Variants in SLC38A11 observed in about 807,000 individuals in gnomAD.
SLC38A11 encodes the protein putative sodium-coupled neutral amino acid transporter 11.
Under a neutral mutation model 49.4 loss-of-function variants are expected in SLC38A11, and 51 were observed. The ratio of observed to expected loss-of-function variants is 1.03; its 90% CI spans 0.83 to 1.30. The LOEUF (loss-of-function observed/expected upper bound fraction) is 1.30, where lower values mean the gene tolerates loss of function less well. Ranked by LOEUF, SLC38A11 falls within the 50% of genes most tolerant of loss-of-function variation. The pLI, the probability that SLC38A11 is intolerant of heterozygous loss-of-function variation, is 0.00. For missense variants in SLC38A11, 574 were observed against 556.2 expected, an observed-to-expected ratio of 1.03 and a Z score of -0.32; for synonymous variants, 203 against 192.9, an observed-to-expected ratio of 1.05 and a Z score of -0.43.
chr2:164,899,656 C>T (rs542199831), intron 11 of SLC38A11, among the ~76,000 whole-genome samples: 1 of 152,000 alleles, frequency 6.6e-6, no homozygotes, highest in African/African-American at 2.4e-5. Context: ...AACCATAAAA[C>T]ATACGTTTTT....
chr2:164,929,036 C>T (rs10203208), intron 7 of SLC38A11, among the ~76,000 whole-genome samples: 1,750 of 152,214 alleles, frequency 0.011, 30 homozygotes, highest in African/African-American at 0.039. Context: ...AGCTCTTACT[C>T]TCTCAAGCCA....
Position 164,945,626 on chromosome 2 carries a change from G to A in SLC38A11, c.331C>T (p.Leu111Phe). 6.2e-7 allele frequency: 1 copy of A among 1,608,734 alleles called. No individual in the cohort carries two copies. The highest frequency in any genetic ancestry group is 8.5e-7 in the Non-Finnish European group (1 of 1,178,936). Reference sequence around the variant, plus strand: ...GGATACAAAAACTGAAGAACAGAGAGGAGCAGATACCCTGGAAAGCCGAAA... The same window carrying A: ...GGATACAAAAACTGAAGAACAGAGAAGAGCAGATACCCTGGAAAGCCGAAA... ...KTFGFPGYLL[L>F]SVLQFLYPFI... The change falls in exon 4 of 12, where the codon CTC (leucine) becomes TTC (phenylalanine). Residue 111 changes from leucine to phenylalanine, a missense_variant. By Grantham distance (22) the Leu-to-Phe change is conservative. Coordinates refer to ENST00000685975, the MANE Select transcript of SLC38A11 (RefSeq NM_001351537.2).
chr2:164,948,436 C>A (rs1688287858), intron 3 of SLC38A11, among the ~76,000 whole-genome samples: 1 of 152,058 alleles, frequency 6.6e-6, no homozygotes, highest in African/African-American at 2.4e-5. Flanking sequence ...GGTTATCATG[C>A]CCATTTAACA....
intron 7 of SLC38A11, among the ~76,000 whole-genome samples, chr2:164,932,423 G>T (rs993432613): frequency 1.3e-5 from 2 of 151,820 alleles, no homozygotes; most frequent in African/African-American, 4.8e-5. Flanking sequence ...ATATACCAAA[G>T]GAATATAGAT....
At chr2:164,951,557 T>C (rs10168496) in intron 3 of SLC38A11, among the ~76,000 whole-genome samples, 8 of 152,196 alleles carry the variant, frequency 5.3e-5, no homozygotes, top group Non-Finnish European at 1.0e-4. Flanking sequence ...GCTCAATGCC[T>C]CTCTAGCTTT....
At position 164,923,513 on chromosome 2, in the gene SLC38A11, A is replaced by G. The variant is rs200196511; in HGVS notation, c.618-7540T>C. 1.1e-4 allele frequency among the ~76,000 whole-genome samples: 16 copies of G among 152,282 alleles called. No individual in the cohort carries two copies. In the East Asian group the frequency reaches 2.7e-3, roughly 26 times the overall value. On this transcript the variant is annotated intron_variant, in intron 7 of 11. Transcript: ENST00000685975. ...AATTATCAGAGAAATGCAAATCAAA[A>G]CCACAATGAGATACCATCTCACACT...
chr2:164,954,819 G>A (rs935107475), intron 1 of SLC38A11, 74 bp from the exon 2 acceptor site: 8 of 654,806 alleles, frequency 1.2e-5, no homozygotes, highest in African/African-American at 1.8e-5. Context: ...TGTAATGCAG[G>A]ATACTAACAC....
At chr2:164,941,405 G>T (rs13035135) in intron 5 of SLC38A11, among the ~76,000 whole-genome samples, 2 of 152,000 alleles carry the variant, frequency 1.3e-5, no homozygotes, top group Non-Finnish European at 2.9e-5. Flanking sequence ...GCTTTGGTAA[G>T]AATTTTATAG....
chr2:164,902,915 T>C (rs1348797916), intron 11 of SLC38A11, among the ~76,000 whole-genome samples: 1 of 152,168 alleles, frequency 6.6e-6, no homozygotes, highest in Non-Finnish European at 1.5e-5. Flanking sequence ...TTAGAATATA[T>C]GGAAAATATA....
At chr2:164,918,440 T>G (rs1221359687) in intron 7 of SLC38A11, among the ~76,000 whole-genome samples, 1 of 152,148 alleles carries the variant, frequency 6.6e-6, no homozygotes, top group Non-Finnish European at 1.5e-5. Context: ...CAGTATTTAT[T>G]TTGAAAAACA....
chr2:164,908,016 G>A (rs1037930514), intron 11 of SLC38A11: 1 of 152,174 alleles, frequency 6.6e-6, no homozygotes. Context: ...TTGAAACAGA[G>A]CTGGGATTAA....
chr2:164,907,271 T>TC (rs1685077421), intron 11 of SLC38A11, among the ~76,000 whole-genome samples: 1 of 13,608 alleles, frequency 7.3e-5, no homozygotes. Flanking sequence ...TTCTTTTCTC[T>TC]TTTTTTTTTT....
chr2:164,955,243 C>A lies in SLC38A11; in HGVS notation c.5G>T (p.Gly2Val). 2 of 1,550,542 alleles carry A rather than the reference C, an allele frequency of 1.3e-6. No homozygotes were observed. The highest frequency in any genetic ancestry group is 2.4e-5 in the East Asian group (1 of 40,894). M[G>V]YQRQEPVIPP... Reference sequence around the variant, plus strand: ...GATGACAGGCTCCTGCCTCTGGTAGCCCATGGCTGAGCGGTGGTCCTCAGC... The same window carrying A: ...GATGACAGGCTCCTGCCTCTGGTAGACCATGGCTGAGCGGTGGTCCTCAGC... The change falls in exon 1 of 12, where the codon GGC (glycine) becomes GTC (valine). Residue 2 changes from glycine (G) to valine (V), a missense_variant. Coordinates refer to ENST00000685975, the MANE Select transcript of SLC38A11 (RefSeq NM_001351537.2).
In SLC38A11 at chr2:164,940,871, A is replaced by T. The variant is rs1298180908; in HGVS notation, c.431-1315T>A. Among the ~76,000 whole-genome samples, 3 of 152,138 alleles carry T rather than the reference A, an allele frequency of 2.0e-5. No homozygotes were observed. The East Asian group carries it at 5.8e-4, about 29-fold the overall frequency. On this transcript the variant is annotated intron_variant, in intron 5 of 11. Coordinates refer to ENST00000685975, the MANE Select transcript of SLC38A11 (RefSeq NM_001351537.2). ...CTAAATAGTCATTATAAAATTAAGA[A>T]TTAAAATAACAAAACAGGAAAATCA...
At chr2:164,936,935 A>G (rs1365736218) in intron 7 of SLC38A11, among the ~76,000 whole-genome samples, 1 of 152,196 alleles carries the variant, frequency 6.6e-6, no homozygotes, top group Non-Finnish European at 1.5e-5. Context: ...ATAATTAAGG[A>G]AAATAATCAG....
chr2:164,910,527 G>A (rs1685328316), intron 10 of SLC38A11, among the ~76,000 whole-genome samples: 1 of 152,086 alleles, frequency 6.6e-6, no homozygotes, highest in African/African-American at 2.4e-5. Flanking sequence ...AGTTATACAT[G>A]TGTGAGGGAG....
intron 7 of SLC38A11, chr2:164,922,232 T>C (rs1422489569): frequency 6.6e-6 from 1 of 152,186 alleles, no homozygotes; most frequent in African/African-American, 2.4e-5. Context: ...CCAAACTCTT[T>C]CAGCTAAACA....
At chr2:164,908,503 T>G in intron 11 of SLC38A11, 137 bp downstream of exon 11, 1 of 753,516 alleles carries the variant, frequency 1.3e-6, no homozygotes, top group Non-Finnish European at 2.0e-6. Flanking sequence ...ATTGAAAATA[T>G]TTACTATTAC....
intron 3 of SLC38A11, among the ~76,000 whole-genome samples, chr2:164,947,412 G>A (rs550458659): frequency 8.5e-5 from 13 of 152,134 alleles, no homozygotes; most frequent in South Asian, 2.1e-4. Flanking sequence ...GATTACAGGC[G>A]TAAGCTACCG....
Sources: allele counts gnomAD v4.1 joint callset (sites outside exome capture counted in the v4.1 genomes callset), GRCh38; gene constraint gnomAD v4.1.1; transcripts MANE v1.5; gene names NCBI Gene and HGNC (gene_info 2026-07-23, HGNC 2026-07-21).